The following LPP variants were observed in gnomAD, a reference collection of about 807,000 sequenced individuals.
LPP encodes lipoma-preferred partner.
Under a neutral mutation model 60.4 loss-of-function variants are expected in LPP, and 38 were observed. The ratio of observed to expected loss-of-function variants is 0.63; its 90% CI spans 0.49 to 0.83. The LOEUF (loss-of-function observed/expected upper bound fraction) is 0.83. LPP is among the 40% of genes least tolerant of loss of function. The probability of loss-of-function intolerance (pLI) is 0.00; values close to 1 mark genes in which losing one functional copy is unlikely to be tolerated. For missense variants in LPP, 902 were observed against 783.6 expected, an observed-to-expected ratio of 1.15 and a Z score of -1.80; for synonymous variants, 328 against 290.8, an observed-to-expected ratio of 1.13 and a Z score of -1.30.
intron 7 of LPP, among the ~76,000 whole-genome samples, chr3:188,707,452 T>A (rs1046119802): frequency 4.6e-5 from 7 of 152,218 alleles, no homozygotes; most frequent in African/African-American, 1.7e-4. Flanking sequence ...TTTTGCTCTG[T>A]ATGTCTTCAC....
chr3:188,708,017 G>T (rs980852693), intron 7 of LPP, among the ~76,000 whole-genome samples: 1 of 152,182 alleles, frequency 6.6e-6, no homozygotes, highest in Non-Finnish European at 1.5e-5. Flanking sequence ...GAACAAAATA[G>T]ATTCTTCCTA....
chr3:188,609,314 C>G lies in LPP; in HGVS notation c.583C>G (p.Pro195Ala). Reference protein sequence around the residue: ...APQAGPIPVAPIGTLKPQPQP... With the variant: ...APQAGPIPVAAIGTLKPQPQP... ...CCAGGCTGGACCCATCCCTGTGGCT[C>G]CAATCGGAACACTCAAACCCCAGCC... The change falls in exon 7 of 12, where the codon CCA becomes GCA. Residue 195 changes from proline (P) to alanine (A), a missense_variant. By Grantham distance (27) the Pro-to-Ala change is conservative. Transcript: ENST00000617246. The surrounding 1 kb of genome is among the most constrained non-coding windows in gnomAD (Gnocchi z 6.9). The G allele has an allele frequency of 1.2e-6, 2 of 1,614,076 alleles. No individual in the cohort carries two copies. Among genetic ancestry groups the G allele is most frequent in the South Asian group, 2.2e-5 (2 of 91,080 alleles).
At chr3:188,845,926 T>C (rs998680481) in intron 9 of LPP, among the ~76,000 whole-genome samples, 3 of 152,220 alleles carry the variant, frequency 2.0e-5, no homozygotes, top group Non-Finnish European at 4.4e-5. Flanking sequence ...GGCTTTGTCT[T>C]TGTCTTCTAA....
intron 6 of LPP, among the ~76,000 whole-genome samples, chr3:188,565,630 G>A (rs1266903910): frequency 6.6e-6 from 1 of 151,872 alleles, no homozygotes; most frequent in African/African-American, 2.4e-5. Flanking sequence ...ATTTTTGGCA[G>A]TTTTAAAACT....
chr3:188,234,846 A>G (rs996456984), intron 2 of LPP, among the ~76,000 whole-genome samples: 13 of 152,178 alleles, frequency 8.5e-5, no homozygotes, highest in African/African-American at 3.1e-4. Flanking sequence ...ATGGCAGTTC[A>G]AGGTCAAGGT....
Position 188,872,719 on chromosome 3 carries a change from G to C in LPP, c.1666G>C (p.Val556Leu). 6.2e-7 allele frequency: 1 copy of C among 1,614,190 alleles called. No individual in the cohort carries two copies. The highest frequency in any genetic ancestry group is 8.5e-7 in the Non-Finnish European group (1 of 1,180,026). The stretch of plus-strand genomic sequence containing the variant: ...GGGCCAGGAGGAGACTGTCCGTATT[G>C]TGGCTTTGGATCGAGATTTCCATGT... The part of the protein sequence containing the change: ...APGQEETVRI[V>L]ALDRDFHVHC... The change falls in exon 11 of 12, where the codon GTG becomes CTG. Residue 556 changes from valine to leucine, a missense_variant. By Grantham distance (32) the Val-to-Leu change is conservative (BLOSUM62 1). Transcript: ENST00000617246.
chr3:188,704,199 G>A (rs1182947172), intron 7 of LPP, among the ~76,000 whole-genome samples: 1 of 152,120 alleles, frequency 6.6e-6, no homozygotes, highest in Non-Finnish European at 1.5e-5. Context: ...TGGAGAAAAG[G>A]TGTAGGTCAC....
At chr3:188,235,262 G>C (rs1721478032) in intron 2 of LPP, among the ~76,000 whole-genome samples, 1 of 152,192 alleles carries the variant, frequency 6.6e-6, no homozygotes, top group Admixed American at 6.5e-5. Context: ...TGGGTTGGAA[G>C]CAAGAGATAG....
At chr3:188,316,973 C>G (rs532784038) in intron 2 of LPP, among the ~76,000 whole-genome samples, 2 of 152,266 alleles carry the variant, frequency 1.3e-5, no homozygotes, top group South Asian at 4.2e-4. Context: ...AAGGCACAGA[C>G]TTGTGTATTT....
intron 7 of LPP, among the ~76,000 whole-genome samples, chr3:188,636,695 A>T (rs1269200098): frequency 1.3e-5 from 2 of 151,998 alleles, no homozygotes; most frequent in African/African-American, 4.8e-5. Context: ...TTCTCCCAGC[A>T]CGCAGCTGGA....
chr3:188,343,280 T>G (rs2150691403), intron 3 of LPP, among the ~76,000 whole-genome samples: 1 of 152,298 alleles, frequency 6.6e-6, no homozygotes, highest in African/African-American at 2.4e-5. Context: ...GCCATCATTC[T>G]CAGCAAACTA....
chr3:188,361,430 C>T (rs905125755), intron 3 of LPP, among the ~76,000 whole-genome samples: 48 of 136,108 alleles, frequency 3.5e-4, no homozygotes, highest in African/African-American at 1.3e-3. Flanking sequence ...CCCTTCCTTC[C>T]CTCCCCTCCC....
At chr3:188,471,160 A>C (rs1264443108) in intron 4 of LPP, among the ~76,000 whole-genome samples, 2 of 152,200 alleles carry the variant, frequency 1.3e-5, no homozygotes, top group East Asian at 1.9e-4. Context: ...TCTGTATTCT[A>C]TTCCATTTGT....
At chr3:188,754,363 A>G (rs2150375842) in intron 8 of LPP, among the ~76,000 whole-genome samples, 2 of 152,250 alleles carry the variant, frequency 1.3e-5, no homozygotes, top group Middle Eastern at 3.4e-3. Context: ...TAGGGAGAAT[A>G]CTCTCTCTGG....
At chr3:188,731,663 C>T (rs977108422) in intron 8 of LPP, among the ~76,000 whole-genome samples, 23 of 152,002 alleles carry the variant, frequency 1.5e-4, no homozygotes, top group Admixed American at 7.2e-4. Context: ...GCTGGGACTA[C>T]AGGCGTGCAC....
At chr3:188,404,574 G>A (rs1782989501) in intron 3 of LPP, among the ~76,000 whole-genome samples, 1 of 152,134 alleles carries the variant, frequency 6.6e-6, no homozygotes. Flanking sequence ...ACTATCTGAG[G>A]CTCTAGAGGC....
chr3:188,221,166 A>C (rs1715636175), intron 1 of LPP, among the ~76,000 whole-genome samples: 2 of 152,102 alleles, frequency 1.3e-5, no homozygotes, highest in Non-Finnish European at 2.9e-5. Flanking sequence ...ACTTTCTCTG[A>C]GAACACCCTG....
At chr3:188,364,380 C>CA (rs1770492166) in intron 3 of LPP, among the ~76,000 whole-genome samples, 4 of 152,118 alleles carry the variant, frequency 2.6e-5, no homozygotes, top group African/African-American at 7.2e-5. Context: ...TGCCTTCGTT[C>CA]GTTTTTTAGA....
chr3:188,524,931 CCTTCCT>C, intron 6 of LPP, 144 bp downstream of exon 6: 1 of 596,454 alleles, frequency 1.7e-6, no homozygotes, highest in Non-Finnish European at 2.6e-6. Flanking sequence ...TTCCTTCCTT[CCTTCCT>C]TCCTTCCTTC....
Sources: allele counts gnomAD v4.1 joint callset (sites outside exome capture counted in the v4.1 genomes callset), GRCh38; gene constraint gnomAD v4.1.1; non-coding constraint Gnocchi (gnomAD v3.1); transcripts MANE v1.5; gene names NCBI Gene and HGNC (gene_info 2026-07-23, HGNC 2026-07-21).